Variants in ANKFN1 observed in about 807,000 individuals in gnomAD.
ANKFN1 encodes the protein ankyrin repeat and fibronectin type III domain containing 1.
Under a neutral mutation model 108.7 loss-of-function variants are expected in ANKFN1, and 74 were observed. The ratio of observed to expected loss-of-function variants is 0.68; its 90% confidence interval spans 0.56 to 0.83. ANKFN1 has a LOEUF of 0.83. Ranked by LOEUF, ANKFN1 falls within the 40% of genes least tolerant of loss-of-function variation. The pLI is 0.00. For missense variants in ANKFN1, 1,505 were observed against 1,382.3 expected (o/e 1.09, Z -1.41); for synonymous variants, 547 against 516.2 (o/e 1.06, Z -0.81).
chr17:56,068,129 A>C lies in ANKFN1; in HGVS notation c.288+21804A>C, dbSNP rs190614781. 3.3e-5 allele frequency among the ~76,000 whole-genome samples: 5 copies of C among 152,176 alleles called. No homozygotes were observed. The East Asian group carries it at 9.7e-4, about 29-fold the overall frequency. ...TTTTAACCTTGGCCTGGGAGACCCC[A>C]TCCCACCTGTATGCATCTGGGAAAC... On this transcript the variant is annotated intron_variant, in intron 4 of 12. Transcript: ENST00000635860.
At chr17:56,325,657 C>T (rs1007289226) in intron 3 of ANKFN1, among the ~76,000 whole-genome samples, 3 of 152,148 alleles carry the variant, frequency 2.0e-5, no homozygotes, top group African/African-American at 4.8e-5. Context: ...TTAAGATGCC[C>T]CCTAGCTCCT....
chr17:56,054,500 C>T (rs1904831491), intron 4 of ANKFN1, among the ~76,000 whole-genome samples: 2 of 150,614 alleles, frequency 1.3e-5, no homozygotes, highest in Non-Finnish European at 3.0e-5. Context: ...ACAAAATTCA[C>T]ATGATTTTTT....
chr17:56,403,253 T>A (rs1455498527), intron 8 of ANKFN1, among the ~76,000 whole-genome samples: 2 of 152,194 alleles, frequency 1.3e-5, no homozygotes, highest in Non-Finnish European at 2.9e-5. Context: ...GTTTCTTTAT[T>A]GACTTTCTGT....
At chr17:56,438,806 ATAGT>A (rs2049006494) in intron 8 of ANKFN1, among the ~76,000 whole-genome samples, 1 of 152,216 alleles carries the variant, frequency 6.6e-6, no homozygotes, top group Admixed American at 6.5e-5. Flanking sequence ...TTTAAGACTC[ATAGT>A]TAGAGCCATA....
chr17:56,170,729 C>G (rs542145919), intron 1 of ANKFN1, among the ~76,000 whole-genome samples: 1 of 146,418 alleles, frequency 6.8e-6, no homozygotes, highest in Non-Finnish European at 1.5e-5. Context: ...CACCACTGCA[C>G]TCCACCCTGG....
intron 4 of ANKFN1, among the ~76,000 whole-genome samples, chr17:56,065,776 G>T (rs1219209291): frequency 6.6e-6 from 1 of 152,070 alleles, no homozygotes. Flanking sequence ...AAACATCACA[G>T]ATCACTGATT....
intron 4 of ANKFN1, among the ~76,000 whole-genome samples, chr17:56,139,896 G>A (rs1027428669): frequency 4.6e-5 from 7 of 152,060 alleles, no homozygotes; most frequent in Non-Finnish European, 7.4e-5. Context: ...TTGATTATTA[G>A]TTAATCCATT....
At chr17:56,078,470 A>T (rs1321831823) in intron 4 of ANKFN1, among the ~76,000 whole-genome samples, 1 of 152,198 alleles carries the variant, frequency 6.6e-6, no homozygotes, top group East Asian at 1.9e-4. Flanking sequence ...TTTAGCTCCC[A>T]TCTAAAATCC....
At chr17:56,489,718 A>G (rs982831606) in intron 18 of ANKFN1, among the ~76,000 whole-genome samples, 1 of 152,178 alleles carries the variant, frequency 6.6e-6, no homozygotes, top group African/African-American at 2.4e-5. Context: ...AAAGGGGAAA[A>G]AAAACAATTT....
intron 8 of ANKFN1, 55 bp downstream of exon 8, chr17:56,374,769 T>C: frequency 7.2e-7 from 1 of 1,389,604 alleles, no homozygotes; most frequent in Non-Finnish European, 1.0e-6. Context: ...CATCTGCTGT[T>C]TGAGAATCAA....
chr17:56,258,044 C>G (rs2043403561), intron 3 of ANKFN1: 1 of 152,250 alleles, frequency 6.6e-6, no homozygotes, highest in Admixed American at 6.5e-5. Context: ...CTAACAGGCT[C>G]TTCTCTTGGA....
At chr17:56,167,613 T>C (rs1910271811) in intron 1 of ANKFN1, among the ~76,000 whole-genome samples, 1 of 152,074 alleles carries the variant, frequency 6.6e-6, no homozygotes, top group East Asian at 1.9e-4. Context: ...TGTACTACAC[T>C]ATAGTTTAGT....
intron 8 of ANKFN1, among the ~76,000 whole-genome samples, chr17:56,428,167 G>A (rs1469854366): frequency 2.0e-5 from 3 of 151,774 alleles, no homozygotes; most frequent in Non-Finnish European, 4.4e-5. Context: ...CCGGGAGGCA[G>A]AGGTTGCAGT....
intron 4 of ANKFN1, among the ~76,000 whole-genome samples, chr17:56,098,898 A>G (rs1160022817): frequency 6.6e-6 from 1 of 151,704 alleles, no homozygotes; most frequent in Non-Finnish European, 1.5e-5. Flanking sequence ...GTGCTAGATA[A>G]AAGGAAGAGA....
chr17:56,181,603 G>A (rs770608479), intron 1 of ANKFN1, among the ~76,000 whole-genome samples: 2 of 152,208 alleles, frequency 1.3e-5, no homozygotes, highest in Non-Finnish European at 2.9e-5. Flanking sequence ...CTGTAGACCA[G>A]TCAAGTGCAA....
At position 56,072,713 on chromosome 17, in the gene ANKFN1, T is replaced by C. The variant is rs148461208; in HGVS notation, c.288+26388T>C. On this transcript the variant is annotated intron_variant, in intron 4 of 12. Transcript: ENST00000635860. Reference sequence around the variant, plus strand: ...TTTTCAGAATTGGAGACAATCAATGTAAGTCACCTAGCACAGGCTCTGGCC... The same window carrying C: ...TTTTCAGAATTGGAGACAATCAATGCAAGTCACCTAGCACAGGCTCTGGCC... Among the ~76,000 whole-genome samples the C allele has an allele frequency of 5.6e-3, 851 of 152,314 alleles. 10 individuals carry two copies. The highest frequency in any genetic ancestry group is 0.02 in the African/African-American group (820 of 41,568).
intron 1 of ANKFN1, among the ~76,000 whole-genome samples, chr17:56,197,556 A>G (rs1913637029): frequency 6.6e-6 from 1 of 152,090 alleles, no homozygotes; most frequent in South Asian, 2.1e-4. Flanking sequence ...TTTCTTCTGC[A>G]TTTTCCTCAC....
chr17:56,148,548 G>A (rs963984732), upstream of ANKFN1, among the ~76,000 whole-genome samples: 6 of 152,136 alleles, frequency 3.9e-5, no homozygotes, highest in Non-Finnish European at 5.9e-5. Flanking sequence ...TGTTCTAGTC[G>A]TTTACAAGGG....
Position 56,516,316 on chromosome 17 carries a change from A to G in ANKFN1, c.*5047A>G, listed in dbSNP as rs2051915893. On this transcript the variant is annotated 3_prime_UTR_variant, in exon 21 of 21. Transcript: ENST00000682825. Reference sequence around the variant, plus strand: ...GTGGTGTCAGAGAGATGTTTCATAGAAAAAGTAATTTAAGTGACATTCTCA... The same window carrying G: ...GTGGTGTCAGAGAGATGTTTCATAGGAAAAGTAATTTAAGTGACATTCTCA... Among the ~76,000 whole-genome samples, 1 of 152,020 alleles carries G rather than the reference A, an allele frequency of 6.6e-6. No individual in the cohort carries two copies. Among genetic ancestry groups the G allele is most frequent in the South Asian group, 2.1e-4 (1 of 4,826 alleles).
Sources: allele counts gnomAD v4.1 joint callset (sites outside exome capture counted in the v4.1 genomes callset), GRCh38; gene constraint gnomAD v4.1.1; transcripts MANE v1.5; gene names NCBI Gene and HGNC (gene_info 2026-07-23, HGNC 2026-07-21).